CYSTM1: variants seen among roughly 807,000 people sequenced by gnomAD.
CYSTM1 encodes the protein cysteine rich transmembrane module containing 1.
A neutral mutation model predicts 13.1 loss-of-function variants in CYSTM1; 4 were observed. That is an observed-to-expected ratio of 0.31 (90% CI 0.15 to 0.70). The LOEUF is 0.70. Ranked by LOEUF, CYSTM1 falls within the 30% of genes least tolerant of loss-of-function variation. CYSTM1 has a pLI of 0.72. For missense variants in CYSTM1, 96 were observed against 121.6 expected, an observed-to-expected ratio of 0.79 and a Z score of 0.99; for synonymous variants, 36 against 42.7, an observed-to-expected ratio of 0.84 and a Z score of 0.62.
intron 2 of CYSTM1, among the ~76,000 whole-genome samples, chr5:140,195,308 A>G (rs1310572912): frequency 6.6e-6 from 1 of 152,196 alleles, no homozygotes; most frequent in Non-Finnish European, 1.5e-5. Flanking sequence ...GTAATCTTGC[A>G]TTTTACAGAA....
At chr5:140,197,065 C>A (rs1309626225) in intron 2 of CYSTM1, among the ~76,000 whole-genome samples, 2 of 152,156 alleles carry the variant, frequency 1.3e-5, no homozygotes. Context: ...CCAATGCCTG[C>A]CTGGTGTTAG....
chr5:140,211,903 C>T (rs1431471742), intron 2 of CYSTM1, among the ~76,000 whole-genome samples: 3 of 152,268 alleles, frequency 2.0e-5, no homozygotes, highest in Non-Finnish European at 4.4e-5. Context: ...GCCAAGATGT[C>T]GCCACTGCAC....
At chr5:140,228,717 C>A in intron 2 of CYSTM1, 1 of 399,020 alleles carries the variant, frequency 2.5e-6, no homozygotes, top group African/African-American at 2.1e-5. Flanking sequence ...CCGCCCTGCA[C>A]CCCCTTCAAC....
rs915741591 is a variant in CYSTM1 at position 140,211,534 on chromosome 5, T to C, written c.187+16882T>C. 1.6e-4 allele frequency among the ~76,000 whole-genome samples: 25 copies of C among 152,236 alleles called. 1 individual carries two copies. Among genetic ancestry groups the C allele is most frequent in the Admixed American group, 1.6e-3 (24 of 15,284 alleles). On this transcript the variant is annotated intron_variant, in intron 2 of 2. Transcript: ENST00000261811. ...CATCTTGTCTATGATCCCCCAGATC[T>C]CTGACCCAGAGCCTGACATACTTCC...
chr5:140,180,649 A>G (rs1763951489), intron 1 of CYSTM1, among the ~76,000 whole-genome samples: 1 of 152,186 alleles, frequency 6.6e-6, no homozygotes, highest in Admixed American at 6.5e-5. Context: ...TGTATGTGGA[A>G]TATTATTATT....
At chr5:140,212,983 G>GTTTATATATATATATATATATATA (rs1405430820) in intron 2 of CYSTM1, among the ~76,000 whole-genome samples, 1 of 114,292 alleles carries the variant, frequency 8.7e-6, no homozygotes. Flanking sequence ...CAAAACAAAA[G>GTTTATATATATATATATATATATA]TATATATATA....
At chr5:140,206,433 A>C (rs1234728874) in intron 2 of CYSTM1, among the ~76,000 whole-genome samples, 1 of 152,114 alleles carries the variant, frequency 6.6e-6, no homozygotes, top group African/African-American at 2.4e-5. Flanking sequence ...GAATAGTTGA[A>C]TGTCCCCCTC....
intron 2 of CYSTM1, among the ~76,000 whole-genome samples, chr5:140,225,804 G>C (rs1188677355): frequency 3.3e-5 from 5 of 152,222 alleles, no homozygotes; most frequent in Non-Finnish European, 7.3e-5. Context: ...ATCTACTGGA[G>C]ATAGAGATCT....
At chr5:140,180,328 C>A (rs1286139133) in intron 1 of CYSTM1, among the ~76,000 whole-genome samples, 1 of 152,128 alleles carries the variant, frequency 6.6e-6, no homozygotes, top group Non-Finnish European at 1.5e-5. Flanking sequence ...AGACTTCTGA[C>A]ATTTGTTGGC....
intron 1 of CYSTM1, among the ~76,000 whole-genome samples, chr5:140,179,240 A>G (rs1284698150): frequency 6.6e-6 from 1 of 150,724 alleles, no homozygotes; most frequent in Non-Finnish European, 1.5e-5. Context: ...AGCCTGGAAG[A>G]CAGAATGACA....
In CYSTM1 at chr5:140,238,774, G is replaced by A. The variant is rs535364402; in HGVS notation, c.188-4531G>A. On this transcript the variant is annotated intron_variant, in intron 2 of 2. Coordinates refer to ENST00000261811, the MANE Select transcript of CYSTM1 (RefSeq NM_032412.4). ...TGCATCTGAGCAGTAAAGGGCTATTGTGGATCCTCTGAAACCTCCCGGAAG... is the reference window on the plus strand; with the variant it reads ...TGCATCTGAGCAGTAAAGGGCTATTATGGATCCTCTGAAACCTCCCGGAAG... Among the ~76,000 whole-genome samples the A allele has an allele frequency of 2.0e-5, 3 of 152,318 alleles. No homozygotes were observed. In the South Asian group the frequency reaches 6.2e-4, roughly 32 times the overall value.
rs755269618 is a variant in CYSTM1 at position 140,175,364 on chromosome 5, C to A, written c.-21+79C>A. On this transcript the variant is annotated intron_variant, in intron 1 of 2. Transcript: ENST00000261811. The surrounding 1 kb of genome is among the most constrained non-coding windows in gnomAD (Gnocchi z 4.9). The stretch of plus-strand genomic sequence containing the variant: ...CACGGACAGGGCGCGTCCCCGGGCT[C>A]CCTGGGGAGCGCCCTGAGAACTGGG... 1 of 152,524 alleles carries A rather than the reference C, an allele frequency of 6.6e-6. No individual in the cohort carries two copies. The highest frequency in any genetic ancestry group is 1.5e-5 in the Non-Finnish European group (1 of 68,320). The allele number at this position is 152,524 out of a possible 1,614,324, so 9.4% of individuals were successfully genotyped here.
At chr5:140,224,243 G>A (rs567329750) in intron 2 of CYSTM1, among the ~76,000 whole-genome samples, 6 of 152,236 alleles carry the variant, frequency 3.9e-5, no homozygotes, top group East Asian at 3.9e-4. Flanking sequence ...GGGTTCAAGC[G>A]ATTCTCCTGC....
intron 1 of CYSTM1, 91 bp from the exon 2 acceptor site, chr5:140,194,355 G>A: frequency 8.1e-7 from 1 of 1,237,846 alleles, no homozygotes; most frequent in Non-Finnish European, 1.1e-6. Flanking sequence ...CACCTTGAAG[G>A]TATTTTGTAA....
chr5:140,186,853 G>A (rs944370873), intron 1 of CYSTM1, among the ~76,000 whole-genome samples: 4 of 152,202 alleles, frequency 2.6e-5, no homozygotes, highest in Non-Finnish European at 5.9e-5. Flanking sequence ...TAGGCCAGGT[G>A]TGGTGGGTTA....
intron 1 of CYSTM1, among the ~76,000 whole-genome samples, chr5:140,189,683 T>C (rs1262017396): frequency 6.6e-6 from 1 of 152,192 alleles, no homozygotes; most frequent in African/African-American, 2.4e-5. Context: ...ATTGTTCTGC[T>C]GTTGATGAAC....
intron 2 of CYSTM1, among the ~76,000 whole-genome samples, chr5:140,227,319 G>C (rs1034513792): frequency 5.3e-5 from 8 of 152,264 alleles, no homozygotes; most frequent in Middle Eastern, 3.4e-3. Context: ...GCATGGGCAG[G>C]GGGGAGAGGG....
At chr5:140,188,256 G>T (rs368201650) in intron 1 of CYSTM1, among the ~76,000 whole-genome samples, 43 of 151,682 alleles carry the variant, frequency 2.8e-4, no homozygotes, top group East Asian at 7.8e-4. Flanking sequence ...CGGGGGGAAG[G>T]GGGGAGGGTA....
intron 1 of CYSTM1, among the ~76,000 whole-genome samples, chr5:140,178,952 T>C (rs892116946): frequency 6.6e-6 from 1 of 152,026 alleles, no homozygotes; most frequent in African/African-American, 2.4e-5. Context: ...TGGGGTTTTA[T>C]GGGCTTGGTT....
Sources: gnomAD v4.1 joint callset for allele counts (sites outside exome capture counted in the v4.1 genomes callset) on GRCh38, gnomAD v4.1.1 for gene constraint, Gnocchi (gnomAD v3.1) non-coding constraint, MANE v1.5 for transcripts, NCBI Gene and HGNC (gene_info 2026-07-23, HGNC 2026-07-21) for gene names.